The following MTDH variants were observed in gnomAD, a reference collection of about 807,000 sequenced individuals.
The protein encoded by MTDH is metadherin, also known as protein LYRIC.
A neutral mutation model predicts 72.7 loss-of-function variants in MTDH; 34 were observed. That is an observed-to-expected ratio of 0.47 (90% CI 0.36 to 0.62). MTDH has a LOEUF of 0.62. Among genes scored for constraint, MTDH ranks in the 20% least tolerant of loss-of-function variants. MTDH has a pLI of 0.00. For missense variants in MTDH, 677 were observed against 699.4 expected, an observed-to-expected ratio of 0.97 and a Z score of 0.36; for synonymous variants, 266 against 268.9, an observed-to-expected ratio of 0.99 and a Z score of 0.10.
At chr8:97,705,312 T>C (rs1181177501) in intron 7 of MTDH, among the ~76,000 whole-genome samples, 2 of 144,780 alleles carry the variant, frequency 1.4e-5, no homozygotes, top group East Asian at 4.1e-4. Context: ...AAAAAGAGAA[T>C]TGAGCATTGC....
chr8:97,675,203 TGTC>T (rs1333132278), intron 2 of MTDH, among the ~76,000 whole-genome samples: 9 of 152,320 alleles, frequency 5.9e-5, no homozygotes, highest in African/African-American at 2.2e-4. Context: ...ATATTAAAGA[TGTC>T]AGTTCACCAA....
intron 2 of MTDH, among the ~76,000 whole-genome samples, chr8:97,662,791 AAAAG>A (rs544427141): frequency 0.031 from 4,703 of 151,200 alleles, 248 homozygotes; most frequent in African/African-American, 0.11. Context: ...GTCAAAAAAA[AAAAG>A]AAAGAAAGAA....
chr8:97,714,757 G>T (rs963156663), intron 9 of MTDH, among the ~76,000 whole-genome samples: 1 of 151,918 alleles, frequency 6.6e-6, no homozygotes, highest in African/African-American at 2.4e-5. Flanking sequence ...AAATGTAGGA[G>T]ACAGGGAACC....
At chr8:97,673,641 CAA>C (rs1488482610) in intron 2 of MTDH, among the ~76,000 whole-genome samples, 1 of 144,836 alleles carries the variant, frequency 6.9e-6, no homozygotes, top group Non-Finnish European at 1.5e-5. Context: ...GCCTGGGCAA[CAA>C]GAGCAAAACT....
rs199958820 is a variant in MTDH, at chr8:97,719,185, G to A, written c.1517G>A (p.Ser506Asn). The A allele has an allele frequency of 1.2e-6, 2 of 1,609,746 alleles. No homozygotes were observed. Among genetic ancestry groups the A allele is most frequent in the Non-Finnish European group, 8.5e-7 (1 of 1,179,010 alleles). ...CCAGCCGAAGTACTCGTCAAAAATA[G>A]CCAGGTAATTTTTAAGAATAATAAA... ...SDPAEVLVKN[S>N]QPIKTLPPAT... The change falls in exon 10 of 12, where the codon AGC (serine) becomes AAC (asparagine). Residue 506 changes from serine (S) to asparagine (N), a missense_variant. Ser to Asn is a conservative substitution (Grantham distance 46). Around this residue, in one of 3 missense-constraint regions of MTDH, gnomAD observed 201 missense variants for 204.5 expected, o/e 0.98. Transcript: ENST00000336273.
At chr8:97,681,100 A>G (rs1813050308) in intron 2 of MTDH, among the ~76,000 whole-genome samples, 1 of 152,104 alleles carries the variant, frequency 6.6e-6, no homozygotes, top group South Asian at 2.1e-4. Context: ...GATAAAGCAA[A>G]TGGAGTGGAA....
intron 9 of MTDH, among the ~76,000 whole-genome samples, chr8:97,716,150 G>A (rs540036378): frequency 6.6e-6 from 1 of 151,922 alleles, no homozygotes; most frequent in South Asian, 2.1e-4. Context: ...ACTTTGGGAG[G>A]CCACGGCGGG....
At chr8:97,666,143 A>G (rs1812376532) in intron 2 of MTDH, among the ~76,000 whole-genome samples, 1 of 152,044 alleles carries the variant, frequency 6.6e-6, no homozygotes, top group African/African-American at 2.4e-5. Context: ...AAAAAAAAAA[A>G]AAAGATCTGA....
At chr8:97,664,509 A>G (rs145897988) in intron 2 of MTDH, among the ~76,000 whole-genome samples, 2,455 of 152,252 alleles carry the variant, frequency 0.016, 35 homozygotes, top group Non-Finnish European at 0.026. Context: ...TGCCTATTCT[A>G]TTTGACTTTT....
chr8:97,669,601 G>C (rs1324529047), intron 2 of MTDH, among the ~76,000 whole-genome samples: 1 of 151,962 alleles, frequency 6.6e-6, no homozygotes, highest in Non-Finnish European at 1.5e-5. Context: ...GTGAGACCCA[G>C]AATTATGTGA....
Position 97,716,969 on chromosome 8 carries a change from C to T in MTDH, c.1381-2080C>T, listed in dbSNP as rs115383446. 5.4e-3 allele frequency among the ~76,000 whole-genome samples: 822 copies of T among 152,240 alleles called. 5 individuals are homozygous for T. The highest frequency in any genetic ancestry group is 0.017 in the African/African-American group (723 of 41,550). ...TGCTGGGATTACAGATGCAAGCTAC[C>T]GCACCAAACCCAAAGTCCTTTTTGG... On this transcript the variant is annotated intron_variant, in intron 9 of 11. Coordinates refer to ENST00000336273, the MANE Select transcript of MTDH (RefSeq NM_178812.4).
At chr8:97,685,245 T>C (rs575428515) in intron 2 of MTDH, among the ~76,000 whole-genome samples, 7 of 152,246 alleles carry the variant, frequency 4.6e-5, no homozygotes, top group African/African-American at 1.4e-4. Context: ...ATATTAATTA[T>C]ACATACTGTA....
At chr8:97,649,884 A>G (rs1210192199) in intron 1 of MTDH, among the ~76,000 whole-genome samples, 1 of 152,046 alleles carries the variant, frequency 6.6e-6, no homozygotes, top group Non-Finnish European at 1.5e-5. Context: ...GATTACAGGC[A>G]TGAGCCACTG....
chr8:97,695,330 T>G (rs750626242), intron 6 of MTDH, among the ~76,000 whole-genome samples: 3 of 152,106 alleles, frequency 2.0e-5, no homozygotes, highest in Non-Finnish European at 2.9e-5. Context: ...GCCAGGCTGG[T>G]CTTGAACTCC....
chr8:97,697,639 C>A (rs1813921429), intron 6 of MTDH, among the ~76,000 whole-genome samples: 1 of 152,062 alleles, frequency 6.6e-6, no homozygotes, highest in South Asian at 2.1e-4. Context: ...CCTGCCTTGG[C>A]CTCCCAAAGT....
At chr8:97,653,203 G>T (rs1188199093) in intron 1 of MTDH, among the ~76,000 whole-genome samples, 3 of 151,430 alleles carry the variant, frequency 2.0e-5, no homozygotes, top group African/African-American at 7.3e-5. Context: ...TTTTACAGAA[G>T]AGAAATCTTG....
intron 10 of MTDH, among the ~76,000 whole-genome samples, chr8:97,719,682 A>G (rs897713394): frequency 1.3e-5 from 2 of 152,186 alleles, no homozygotes; most frequent in African/African-American, 2.4e-5. Context: ...GCCCAGAGTC[A>G]TATAACTATC....
chr8:97,682,283 T>A (rs1813168909), intron 2 of MTDH, among the ~76,000 whole-genome samples: 8 of 14,770 alleles, frequency 5.4e-4, no homozygotes, highest in African/African-American at 2.4e-3. Context: ...TATATATATT[T>A]TTTTTTTTTT....
At position 97,697,148 on chromosome 8, in the gene MTDH, A is replaced by AT. The variant is rs1324445962; in HGVS notation, c.1049-2605dup. Among the ~76,000 whole-genome samples, 127 of 68,440 alleles carry AT rather than the reference A, an allele frequency of 1.9e-3. 1 individual carries two copies. Among genetic ancestry groups the AT allele is most frequent in the South Asian group, 3.6e-3 (6 of 1,684 alleles). 44.9% of individuals were successfully genotyped at this position (68,440 alleles called of 152,430 possible). On this transcript the variant is annotated intron_variant, in intron 6 of 11. Coordinates refer to ENST00000336273, the MANE Select transcript of MTDH (RefSeq NM_178812.4). The stretch of plus-strand genomic sequence containing the variant: ...AAAAAAAATATATATATATATATAT[A>AT]TATTTTTTTTTTGTGGACCCAGTTT...
Sources: allele counts gnomAD v4.1 joint callset (sites outside exome capture counted in the v4.1 genomes callset), GRCh38; gene constraint gnomAD v4.1.1; regional missense constraint gnomAD v4.1.1; transcripts MANE v1.5; gene names NCBI Gene and HGNC (gene_info 2026-07-23, HGNC 2026-07-21).